Variants in SGCD observed in about 807,000 individuals in gnomAD.
SGCD encodes the protein sarcoglycan delta, also known as delta-sarcoglycan.
SGCD carries 18 observed loss-of-function variants against 36.6 expected under a neutral mutation model. The ratio of observed to expected loss-of-function variants is 0.49; its 90% confidence interval spans 0.34 to 0.73. SGCD has a LOEUF of 0.73. Ranked by LOEUF, SGCD falls within the 30% of genes least tolerant of loss-of-function variation. The pLI is 0.01. For missense variants in SGCD, 387 were observed against 346.7 expected (o/e 1.12, Z -0.92); for synonymous variants, 133 against 130.6 (o/e 1.02, Z -0.12).
At chr5:156,162,833 T>C (rs1338203928) in intron 3 of SGCD, among the ~76,000 whole-genome samples, 2 of 151,668 alleles carry the variant, frequency 1.3e-5, no homozygotes, top group Non-Finnish European at 2.9e-5. Context: ...GTATGAACCA[T>C]AATTCCCCTT....
At chr5:156,217,662 C>G (rs1403229860) in intron 3 of SGCD, among the ~76,000 whole-genome samples, 5 of 152,088 alleles carry the variant, frequency 3.3e-5, no homozygotes, top group Non-Finnish European at 7.4e-5. Context: ...AACTTTTGAA[C>G]TCTACAACAA....
intron 1 of SGCD, 78 bp from the exon 2 acceptor site, chr5:156,329,456 C>T: frequency 2.0e-6 from 2 of 1,003,050 alleles, no homozygotes; most frequent in Non-Finnish European, 3.2e-6. Flanking sequence ...ATGGCATTGC[C>T]TGAGGGTTCA....
intron 3 of SGCD, among the ~76,000 whole-genome samples, chr5:156,152,598 C>A (rs1762857827): frequency 6.6e-6 from 1 of 151,628 alleles, no homozygotes. Context: ...TCATATGTTG[C>A]ATACTTCACC....
intron 1 of SGCD, among the ~76,000 whole-genome samples, chr5:156,048,278 A>T (rs1759824443): frequency 6.6e-6 from 1 of 152,174 alleles, no homozygotes; most frequent in Non-Finnish European, 1.5e-5. Context: ...TGCCGCAATA[A>T]ACATACGTGT....
At chr5:155,954,997 A>G (rs879584201) in intron 1 of SGCD, among the ~76,000 whole-genome samples, 5 of 152,166 alleles carry the variant, frequency 3.3e-5, no homozygotes, top group Non-Finnish European at 5.9e-5. Flanking sequence ...GAAAACTGGC[A>G]AAGACCAGTG....
intron 7 of SGCD, among the ~76,000 whole-genome samples, chr5:156,732,573 C>A (rs1197116360): frequency 6.6e-6 from 1 of 151,778 alleles, no homozygotes; most frequent in East Asian, 1.9e-4. Flanking sequence ...TTTTTTCTAT[C>A]TTTGCCAGGT....
intron 3 of SGCD, among the ~76,000 whole-genome samples, chr5:156,221,635 A>G (rs1375265609): frequency 2.0e-5 from 3 of 152,076 alleles, no homozygotes; most frequent in African/African-American, 7.2e-5. Flanking sequence ...CATCACAAAA[A>G]AAATAATTTT....
chr5:156,657,973 G>A, intron 7 of SGCD, among the ~76,000 whole-genome samples: 1 of 129,180 alleles, frequency 7.7e-6, no homozygotes. Flanking sequence ...CGTGAACAAA[G>A]GTCTTGGCAT....
chr5:156,363,809 C>T (rs1026166707), intron 3 of SGCD, among the ~76,000 whole-genome samples: 1 of 152,160 alleles, frequency 6.6e-6, no homozygotes, highest in Non-Finnish European at 1.5e-5. Context: ...TTAATTTTGT[C>T]TTTTTCTGTC....
chr5:156,621,638 T>C (rs537872235), intron 6 of SGCD, among the ~76,000 whole-genome samples: 1 of 152,318 alleles, frequency 6.6e-6, no homozygotes, highest in Admixed American at 6.5e-5. Flanking sequence ...AGTGATTAAG[T>C]TGAGACTGGA....
chr5:156,378,159 A>T (rs1441330488), intron 3 of SGCD, among the ~76,000 whole-genome samples: 1 of 152,200 alleles, frequency 6.6e-6, no homozygotes, highest in Non-Finnish European at 1.5e-5. Flanking sequence ...ATGACATGTT[A>T]TTCAGCCTTA....
intron 7 of SGCD, among the ~76,000 whole-genome samples, chr5:156,694,077 A>C (rs945888233): frequency 6.6e-6 from 1 of 152,148 alleles, no homozygotes; most frequent in African/African-American, 2.4e-5. Flanking sequence ...TGCAATTGCA[A>C]CCTGGATTTT....
upstream of SGCD, among the ~76,000 whole-genome samples, chr5:156,324,725 T>A (rs1313582646): frequency 6.6e-6 from 1 of 151,946 alleles, no homozygotes. Flanking sequence ...CAAGATTAAC[T>A]TCTTCAACTA....
intron 3 of SGCD, among the ~76,000 whole-genome samples, chr5:156,206,799 T>G (rs980679096): frequency 6.6e-6 from 1 of 151,916 alleles, no homozygotes; most frequent in Non-Finnish European, 1.5e-5. Flanking sequence ...ATAGAGCATA[T>G]AGAATATATC....
chr5:156,523,482 T>A (rs1045950161), intron 4 of SGCD, among the ~76,000 whole-genome samples: 4 of 152,190 alleles, frequency 2.6e-5, no homozygotes, highest in African/African-American at 9.6e-5. Flanking sequence ...GAAATGATTT[T>A]AGTGACCTGC....
intron 4 of SGCD, among the ~76,000 whole-genome samples, chr5:156,570,276 A>G (rs1462890118): frequency 6.6e-6 from 1 of 152,182 alleles, no homozygotes; most frequent in Admixed American, 6.5e-5. Context: ...GTTTAGTATA[A>G]TTGAAAATAA....
chr5:156,384,105 A>G (rs1771143781), intron 3 of SGCD, among the ~76,000 whole-genome samples: 1 of 152,200 alleles, frequency 6.6e-6, no homozygotes. Flanking sequence ...TTGAATCCAC[A>G]CAAGTTAAAT....
chr5:156,313,228 T>TA (rs143575964), intron 3 of SGCD, among the ~76,000 whole-genome samples: 3,883 of 151,208 alleles, frequency 0.026, 150 homozygotes, highest in African/African-American at 0.084. Flanking sequence ...TTTCATATGG[T>TA]AAAAAAAAAG....
chr5:155,978,939 G>C (rs1479803095), intron 1 of SGCD, among the ~76,000 whole-genome samples: 1 of 152,110 alleles, frequency 6.6e-6, no homozygotes, highest in Non-Finnish European at 1.5e-5. Flanking sequence ...TTAAAAAACT[G>C]TCCTCTCAGA....
Sources: gnomAD v4.1 joint callset for allele counts (sites outside exome capture counted in the v4.1 genomes callset) on GRCh38, gnomAD v4.1.1 for gene constraint, MANE v1.5 for transcripts, NCBI Gene and HGNC (gene_info 2026-07-23, HGNC 2026-07-21) for gene names.